SLAMF1: variants seen among roughly 807,000 people sequenced by gnomAD.
The protein encoded by SLAMF1 is signaling lymphocytic activation molecule.
Under a neutral mutation model 35.1 loss-of-function variants are expected in SLAMF1, and 18 were observed. The ratio of observed to expected loss-of-function variants is 0.51; its 90% confidence interval spans 0.35 to 0.76. SLAMF1 has a LOEUF of 0.76. Ranked by LOEUF, SLAMF1 falls within the 30% of genes least tolerant of loss-of-function variation. The pLI is 0.01. For synonymous variants in SLAMF1, 168 were observed against 157.2 expected, an observed-to-expected ratio of 1.07 and a Z score of -0.51; for missense variants, 392 against 413.0, an observed-to-expected ratio of 0.95 and a Z score of 0.44.
intron 2 of SLAMF1, among the ~76,000 whole-genome samples, chr1:160,636,554 C>T (rs183238587): frequency 6.6e-6 from 1 of 152,330 alleles, no homozygotes; most frequent in Non-Finnish European, 1.5e-5. Flanking sequence ...AAGCACTGGC[C>T]TTGGATTCAG....
At chr1:160,638,963 C>G (rs1660602631) in intron 1 of SLAMF1, among the ~76,000 whole-genome samples, 1 of 152,146 alleles carries the variant, frequency 6.6e-6, no homozygotes, top group East Asian at 1.9e-4. Flanking sequence ...TCATTCTCAT[C>G]CACACTCATC....
Position 160,610,740 on chromosome 1 carries a change from C to A in SLAMF1, c.*8G>T. 6.2e-7 allele frequency: 1 copy of A among 1,608,838 alleles called. No individual in the cohort carries two copies. The highest frequency in any genetic ancestry group is 1.1e-5 in the South Asian group (1 of 90,950). On this transcript the variant is annotated 3_prime_UTR_variant, in exon 7 of 7. Coordinates refer to ENST00000302035, the MANE Select transcript of SLAMF1 (RefSeq NM_003037.5). ...TCCTTCAGAAAGTCCCTTTGTTGGT[C>A]TCTGGTGTCAGCTCTCTGGAAGTGT...
At chr1:160,619,018 T>C (rs1659463892) in intron 5 of SLAMF1, among the ~76,000 whole-genome samples, 1 of 152,228 alleles carries the variant, frequency 6.6e-6, no homozygotes. Flanking sequence ...TGTCTTTTCA[T>C]GCAATTTTCT....
At chr1:160,637,649 T>A in intron 1 of SLAMF1, 120 bp from the exon 2 acceptor site, 2 of 683,334 alleles carry the variant, frequency 2.9e-6, no homozygotes, top group Non-Finnish European at 4.9e-6. Context: ...TCCCTGGGGT[T>A]GCCAAGTCCT....
At chr1:160,610,981 A>T (rs1658953160) in intron 6 of SLAMF1, among the ~76,000 whole-genome samples, 183 bp from the exon 7 acceptor site, 2 of 152,248 alleles carry the variant, frequency 1.3e-5, no homozygotes, top group African/African-American at 4.8e-5. Flanking sequence ...TCCACCTGCA[A>T]CAAGGGCCAC....
chr1:160,634,591 A>T, intron 3 of SLAMF1, 22 bp downstream of exon 3: 1 of 1,568,006 alleles, frequency 6.4e-7, no homozygotes, highest in Non-Finnish European at 8.7e-7. Flanking sequence ...GGTGGCACAC[A>T]GGCTGCCACC....
intron 4 of SLAMF1, among the ~76,000 whole-genome samples, chr1:160,620,553 T>G (rs550381143): frequency 1.3e-5 from 2 of 152,192 alleles, no homozygotes; most frequent in African/African-American, 2.4e-5. Flanking sequence ...ATAGGAGTAA[T>G]TTATTCTCAT....
At chr1:160,612,631 T>A (rs1356785297) in intron 5 of SLAMF1, 51 bp from the exon 6 acceptor site, 2 of 1,090,980 alleles carry the variant, frequency 1.8e-6, no homozygotes, top group East Asian at 4.8e-5. Context: ...GAGCTAGTTC[T>A]CACCCAACTC....
At chr1:160,619,718 G>T in intron 5 of SLAMF1, 58 bp downstream of exon 5, 1 of 1,097,902 alleles carries the variant, frequency 9.1e-7, no homozygotes, top group Non-Finnish European at 1.4e-6. Flanking sequence ...AAGGTAGACT[G>T]GCCAGGAATA....
At chr1:160,629,422 A>G (rs1660052842) in intron 3 of SLAMF1, among the ~76,000 whole-genome samples, 1 of 152,180 alleles carries the variant, frequency 6.6e-6, no homozygotes, top group South Asian at 2.1e-4. Flanking sequence ...CCTAGGAGAT[A>G]CTGCGACGTT....
intron 6 of SLAMF1, among the ~76,000 whole-genome samples, chr1:160,611,113 T>C (rs748092042): frequency 1.7e-4 from 26 of 152,238 alleles, no homozygotes; most frequent in Non-Finnish European, 3.2e-4. Flanking sequence ...ACCATTTGTT[T>C]TGCTGTTACA....
chr1:160,628,992 C>T (rs1660023623), intron 3 of SLAMF1, among the ~76,000 whole-genome samples: 1 of 152,182 alleles, frequency 6.6e-6, no homozygotes, highest in African/African-American at 2.4e-5. Flanking sequence ...GCTGAGAAAT[C>T]AAAGTTGTCT....
chr1:160,624,023 C>T (rs940786330), intron 4 of SLAMF1, 73 bp downstream of exon 4: 37 of 1,083,660 alleles, frequency 3.4e-5, no homozygotes, highest in African/African-American at 4.8e-5. Context: ...AGAGCAAGTC[C>T]GAGCCTGTGG....
At chr1:160,641,325 C>T (rs764538320) in intron 1 of SLAMF1, among the ~76,000 whole-genome samples, 3 of 151,998 alleles carry the variant, frequency 2.0e-5, no homozygotes, top group African/African-American at 4.8e-5. Flanking sequence ...TAACCCATCG[C>T]CACCACTCCC....
At chr1:160,630,248 A>C (rs2102321291) in intron 3 of SLAMF1, among the ~76,000 whole-genome samples, 1 of 152,358 alleles carries the variant, frequency 6.6e-6, no homozygotes. Context: ...CACCCTAAGA[A>C]TTGGACTTTG....
intron 1 of SLAMF1, among the ~76,000 whole-genome samples, chr1:160,639,614 T>C (rs1481994060): frequency 6.6e-6 from 1 of 152,164 alleles, no homozygotes; most frequent in African/African-American, 2.4e-5. Context: ...CTCCTGCATT[T>C]CCACCACCAT....
At chr1:160,640,325 C>CATATATATATATATATATAT (rs56785818) in intron 1 of SLAMF1, among the ~76,000 whole-genome samples, 13 of 94,120 alleles carry the variant, frequency 1.4e-4, no homozygotes, top group Admixed American at 2.3e-4. Flanking sequence ...TTAGGTTTGT[C>CATATATATATATATATATAT]ATATATATAT....
intron 1 of SLAMF1, among the ~76,000 whole-genome samples, chr1:160,641,659 T>G: frequency 6.6e-6 from 1 of 151,852 alleles, no homozygotes; most frequent in East Asian, 1.9e-4. Context: ...AATACCTGAG[T>G]GTGTGAGTGT....
chr1:160,623,925 T>C (rs1659743957), intron 4 of SLAMF1, among the ~76,000 whole-genome samples, 171 bp downstream of exon 4: 1 of 152,142 alleles, frequency 6.6e-6, no homozygotes, highest in Non-Finnish European at 1.5e-5. Flanking sequence ...TCAAGACATG[T>C]TGAATTAGAC....
Sources: allele counts gnomAD v4.1 joint callset (sites outside exome capture counted in the v4.1 genomes callset), GRCh38; gene constraint gnomAD v4.1.1; transcripts MANE v1.5; gene names NCBI Gene and HGNC (gene_info 2026-07-23, HGNC 2026-07-21).